Variants in TSPAN8 observed in about 807,000 individuals in gnomAD.
TSPAN8 encodes tetraspanin 8.
A neutral mutation model predicts 32.8 loss-of-function variants in TSPAN8; 21 were observed. The ratio of observed to expected loss-of-function variants is 0.64; its 90% CI spans 0.45 to 0.92. TSPAN8 has a LOEUF of 0.92. TSPAN8 is among the 40% of genes least tolerant of loss of function. The probability of loss-of-function intolerance (pLI) is 0.00; values close to 1 mark genes in which losing one functional copy is unlikely to be tolerated. For synonymous variants in TSPAN8, 95 were observed against 94.6 expected (o/e 1.00, Z -0.03); for missense variants, 269 against 281.9 (o/e 0.95, Z 0.33).
chr12:71,155,316 C>A (rs1614565), intron 2 of TSPAN8, among the ~76,000 whole-genome samples: 97,259 of 152,008 alleles, frequency 0.64, 33,329 homozygotes, highest in African/African-American at 0.89. Context: ...ACAATCAAAC[C>A]TCCAGTGCCT....
rs1872491851 is a variant in TSPAN8, at chr12:71,157,723, C to T, written c.-45G>A. On this transcript the variant is annotated 5_prime_UTR_variant, in exon 2 of 9. Transcript: ENST00000247829. ...TCCAGATGCCGTGAATTTAACTATT[C>T]GTTACAGGCTTGTCCTGCAATATGC... The T allele has an allele frequency of 4.0e-6, 6 of 1,493,108 alleles. No homozygotes were observed. The highest frequency in any genetic ancestry group is 3.4e-5 in the South Asian group (3 of 88,554). The allele number at this position is 1,493,108 out of a possible 1,614,324, so 92.5% of individuals were successfully genotyped here. A position where few individuals can be genotyped will look rare whatever the true frequency, so the allele number is the denominator to read the frequency against.
chr12:71,151,024 G>C (rs926243525), intron 2 of TSPAN8, among the ~76,000 whole-genome samples: 1 of 151,500 alleles, frequency 6.6e-6, no homozygotes, highest in African/African-American at 2.4e-5. Flanking sequence ...AGTGTTAAGT[G>C]TACACTCAAT....
chr12:71,130,212 T>C (rs1871478721), intron 7 of TSPAN8, among the ~76,000 whole-genome samples: 1 of 152,182 alleles, frequency 6.6e-6, no homozygotes, highest in South Asian at 2.1e-4. Context: ...CCTCAGCCTC[T>C]GAAAATGCTG....
At chr12:71,144,477 A>C (rs1183246265) in intron 2 of TSPAN8, among the ~76,000 whole-genome samples, 1 of 152,184 alleles carries the variant, frequency 6.6e-6, no homozygotes, top group Admixed American at 6.6e-5. Context: ...TTAGGCCTGG[A>C]AAGATTATTT....
At chr12:71,139,470 A>AATGT (rs147321413) in intron 4 of TSPAN8, among the ~76,000 whole-genome samples, 5,351 of 151,496 alleles carry the variant, frequency 0.035, no homozygotes, top group Middle Eastern at 0.044. Context: ...AGTAATGTTG[A>AATGT]ATGAGTGAAT....
At chr12:71,139,575 ACAAT>A in intron 4 of TSPAN8, 132 bp downstream of exon 4, 2 of 1,216,370 alleles carry the variant, frequency 1.6e-6, no homozygotes, top group Admixed American at 4.8e-5. Context: ...ATCAGCTTCC[ACAAT>A]CAAACCTTCT....
At chr12:71,132,167 G>A (rs3851614) in intron 7 of TSPAN8, among the ~76,000 whole-genome samples, 59,376 of 151,992 alleles carry the variant, frequency 0.39, 12,653 homozygotes, top group East Asian at 0.57. Flanking sequence ...CTCAATTGCA[G>A]CAATAACTAG....
At chr12:71,136,037 A>G (rs1871685378) in intron 6 of TSPAN8, among the ~76,000 whole-genome samples, 1 of 152,148 alleles carries the variant, frequency 6.6e-6, no homozygotes, top group African/African-American at 2.4e-5. Flanking sequence ...TGCTTTAAGC[A>G]CAATTTTTAC....
At chr12:71,125,576 G>GT (rs1045606200) in intron 8 of TSPAN8, among the ~76,000 whole-genome samples, 189 bp from the exon 9 acceptor site, 78 of 152,072 alleles carry the variant, frequency 5.1e-4, no homozygotes, top group African/African-American at 1.5e-3. Flanking sequence ...GCTCTCTTGA[G>GT]TTTTTTTTGT....
At chr12:71,141,179 C>T (rs1388714746) in intron 3 of TSPAN8, among the ~76,000 whole-genome samples, 3 of 152,186 alleles carry the variant, frequency 2.0e-5, no homozygotes, top group Non-Finnish European at 4.4e-5. Flanking sequence ...GGAATTGGGT[C>T]AACCTCTGTG....
intron 3 of TSPAN8, among the ~76,000 whole-genome samples, chr12:71,140,989 T>G (rs1245852896): frequency 1.3e-5 from 2 of 152,212 alleles, no homozygotes; most frequent in African/African-American, 4.8e-5. Context: ...TCTCAAGGCT[T>G]TTTAAATCTA....
chr12:71,156,536 C>A (rs539246692), intron 2 of TSPAN8, among the ~76,000 whole-genome samples: 1 of 151,974 alleles, frequency 6.6e-6, no homozygotes, highest in South Asian at 2.1e-4. Context: ...TTAAAAGTCA[C>A]CAATATATCC....
At chr12:71,155,045 T>C (rs1234248398) in intron 2 of TSPAN8, among the ~76,000 whole-genome samples, 1 of 152,232 alleles carries the variant, frequency 6.6e-6, no homozygotes, top group Non-Finnish European at 1.5e-5. Flanking sequence ...TTGGATAATA[T>C]TAGTAACTTA....
intron 8 of TSPAN8, among the ~76,000 whole-genome samples, chr12:71,126,134 C>T (rs1038850655): frequency 3.9e-5 from 6 of 152,084 alleles, no homozygotes; most frequent in African/African-American, 1.4e-4. Context: ...CCCACCAGCC[C>T]CTTTTGAAGG....
At chr12:71,156,269 C>CAAAAAAAAAAAAAAAAAAAA (rs1287011627) in intron 2 of TSPAN8, among the ~76,000 whole-genome samples, 1 of 32,514 alleles carries the variant, frequency 3.1e-5, no homozygotes, top group African/African-American at 1.3e-4. Context: ...AAAAAAAAAA[C>CAAAAAAAAAAAAAAAAAAAA]AAACAAAAAA....
intron 8 of TSPAN8, among the ~76,000 whole-genome samples, chr12:71,128,772 T>C (rs74459186): frequency 0.014 from 2,192 of 152,072 alleles, 36 homozygotes; most frequent in East Asian, 0.05. Context: ...TCCTTGAAAA[T>C]TTCTCCAAGT....
chr12:71,150,167 C>T (rs970071240), intron 2 of TSPAN8, among the ~76,000 whole-genome samples: 14 of 152,228 alleles, frequency 9.2e-5, no homozygotes, highest in African/African-American at 3.1e-4. Flanking sequence ...GGGGTCAGAC[C>T]GGTTCTCTGC....
chr12:71,157,941 T>C lies in TSPAN8; in HGVS notation c.-121A>G, dbSNP rs1872499828. The C allele has an allele frequency of 9.2e-6, 4 of 435,986 alleles. No homozygotes were observed. The South Asian group carries it at 1.8e-4, about 19-fold the overall frequency. The allele number at this position is 435,986 out of a possible 1,614,324, so 27.0% of individuals were successfully genotyped here. On this transcript the variant is annotated 5_prime_UTR_variant, in exon 1 of 9. Transcript: ENST00000247829. Reference sequence around the variant, plus strand: ...GGCTATTAACTCACACATTTAAATATCGCAAAGGCTATCTCCAGGCAAGTA... The same window carrying C: ...GGCTATTAACTCACACATTTAAATACCGCAAAGGCTATCTCCAGGCAAGTA...
intron 7 of TSPAN8, among the ~76,000 whole-genome samples, chr12:71,130,825 T>G (rs546083790): frequency 6.6e-6 from 1 of 152,284 alleles, no homozygotes; most frequent in Non-Finnish European, 1.5e-5. Context: ...GAGGGTATCT[T>G]GGCAAAAGGA....
Sources: gnomAD v4.1 joint callset for allele counts (sites outside exome capture counted in the v4.1 genomes callset) on GRCh38, gnomAD v4.1.1 for gene constraint, MANE v1.5 for transcripts, NCBI Gene and HGNC (gene_info 2026-07-23, HGNC 2026-07-21) for gene names.